Variants in GABBR1 observed in about 807,000 individuals in gnomAD.
The protein encoded by GABBR1 is GABA-B receptor, R1 subunit.
GABBR1 carries 35 observed loss-of-function variants against 117.7 expected under a neutral mutation model. The ratio of observed to expected loss-of-function variants is 0.30; its 90% CI spans 0.23 to 0.39. The LOEUF is 0.39. GABBR1 is among the 10% of genes least tolerant of loss of function. The pLI is 1.00. For synonymous variants in GABBR1, 442 were observed against 486.6 expected (o/e 0.91, Z 1.21); for missense variants, 709 against 1,241.8 (o/e 0.57, Z 6.45).
At chr6:29,619,528 C>CT (rs1365426681) in intron 11 of GABBR1, among the ~76,000 whole-genome samples, 1 of 152,022 alleles carries the variant, frequency 6.6e-6, no homozygotes, top group Non-Finnish European at 1.5e-5. Flanking sequence ...CTCTCTCTCT[C>CT]TTTTTGTTTA....
At position 29,606,631 on chromosome 6, in the gene GABBR1, T is replaced by C; in HGVS notation, c.2218-147A>G. On this transcript the variant is annotated intron_variant, in intron 18 of 22. Transcript: ENST00000377034. The surrounding 1 kb of genome is among the most constrained non-coding windows in gnomAD (Gnocchi z 4.5). ...CATTCTAGGCCTAAGAATGTTTTCC[T>C]GAACCCTTGGAGGTGCTTGTTCCCC... The C allele has an allele frequency of 1.5e-6, 1 of 686,332 alleles. No individual in the cohort carries two copies. Among genetic ancestry groups the C allele is most frequent in the South Asian group, 1.7e-5 (1 of 58,288 alleles). The allele number at this position is 686,332 out of a possible 1,614,324, so 42.5% of individuals were successfully genotyped here.
At position 29,604,855 on chromosome 6, in the gene GABBR1, C is replaced by A. The variant is rs760847538; in HGVS notation, c.2568+5G>T. On this transcript the variant is annotated splice_donor_5th_base_variant and intron_variant, in intron 21 of 22. Transcript: ENST00000377034. The surrounding 1 kb of genome is among the most constrained non-coding windows in gnomAD (Gnocchi z 5.3). ...AAGAGGGTGGGAGAAAAGCCAGATC[C>A]TTACCTTGGGCACAAAGAGCACAAC... 6.2e-7 allele frequency: 1 copy of A among 1,611,338 alleles called. No homozygotes were observed. The highest frequency in any genetic ancestry group is 1.1e-5 in the South Asian group (1 of 90,744).
rs530072573 is a variant in GABBR1 at position 29,609,575 on chromosome 6, A to C, written c.1709-196T>G. On this transcript the variant is annotated intron_variant, in intron 14 of 22. Coordinates refer to ENST00000377034, the MANE Select transcript of GABBR1 (RefSeq NM_001470.4). The surrounding 1 kb of genome is among the most constrained non-coding windows in gnomAD (Gnocchi z 4.3). The stretch of plus-strand genomic sequence containing the variant: ...AATGCTCAGTGCCACTGGGGCCGTT[A>C]GGAAGCAACCAGAAATGAGATGAGA... 1.1e-4 allele frequency among the ~76,000 whole-genome samples: 17 copies of C among 152,346 alleles called. No individual in the cohort carries two copies. The East Asian group carries it at 1.3e-3, about 12-fold the overall frequency.
At chr6:29,612,765 C>G (rs533646894) in intron 12 of GABBR1, 151 bp from the exon 13 acceptor site, 31 of 693,134 alleles carry the variant, frequency 4.5e-5, no homozygotes, top group African/African-American at 4.2e-4. Context: ...AGGACATACC[C>G]CAGATGCCCA....
Position 29,613,145 on chromosome 6 carries a change from C to A in GABBR1, c.1566+98G>T. On this transcript the variant is annotated intron_variant, in intron 12 of 22. Transcript: ENST00000377034. This position sits in a 1 kb window ranked among gnomAD's most constrained non-coding sequence, Gnocchi z 4.1. ...GGAGACTGATTCTGCAAAGAAGTAA[C>A]TGAGAAAAACAGAGAATGCATGTTT... The A allele has an allele frequency of 7.6e-7, 1 of 1,323,450 alleles. No individual in the cohort carries two copies. The highest frequency in any genetic ancestry group is 1.1e-6 in the Non-Finnish European group (1 of 941,374). 82.0% of individuals were successfully genotyped at this position (1,323,450 alleles called of 1,614,324 possible).
In GABBR1 at chr6:29,608,639, A is replaced by C. The variant is rs1762205479; in HGVS notation, c.1954T>G (p.Tyr652Asp). ...AAVFPLGLDG[Y>D]HIGRNQFPFV... ...GGAAACTGGTTCCTCCCAATGTGGT[A>C]ACCATCGAGCCCCAGGGGGAAGACA... Residue 652 changes from tyrosine to aspartate, a missense_variant, in exon 16 of 23, where the codon TAC becomes GAC. Physicochemically the swap from Tyr to Asp is radical, Grantham distance 160. Transcript: ENST00000377034. 1.2e-6 allele frequency: 2 copies of C among 1,612,944 alleles called. No individual in the cohort carries two copies.
At chr6:29,616,285 G>A (rs1763093382) in intron 11 of GABBR1, among the ~76,000 whole-genome samples, 1 of 105,184 alleles carries the variant, frequency 9.5e-6, no homozygotes. Context: ...CAGGAGAATC[G>A]GAGAATCGCT....
In GABBR1 at chr6:29,612,539, C is replaced by T; in HGVS notation, c.1630+12G>A. The T allele has an allele frequency of 7.4e-6, 12 of 1,613,404 alleles. No homozygotes were observed. Among genetic ancestry groups the T allele is most frequent in the Non-Finnish European group, 1.0e-5 (12 of 1,179,552 alleles). On this transcript the variant is annotated intron_variant, in intron 13 of 22. Coordinates refer to ENST00000377034, the MANE Select transcript of GABBR1 (RefSeq NM_001470.4). The stretch of plus-strand genomic sequence containing the variant: ...GCCCCCATGTCCGGTCCCCTCCTGC[C>T]CCTGTACTAACCCTGAAGCTGCTCG...
At chr6:29,612,711 T>G in intron 12 of GABBR1, 97 bp from the exon 13 acceptor site, 2 of 1,075,228 alleles carry the variant, frequency 1.9e-6, no homozygotes, top group South Asian at 2.5e-5. Flanking sequence ...TTTGATGTAA[T>G]TGAGCCTCTG....
In GABBR1 at chr6:29,606,437, C is replaced by A; in HGVS notation, c.2265G>T (p.Leu755=). The change falls in exon 19 of 23, where the codon CTG becomes CTT. Residue 755 remains leucine, a synonymous_variant. Transcript: ENST00000377034. This position sits in a 1 kb window ranked among gnomAD's most constrained non-coding sequence, Gnocchi z 4.5. ...TGGAGCTGCAATGCTCCAGCTGGGGCAGAATAGAGACGTCAATATCTTCCT... is the reference window on the plus strand; with the variant it reads ...TGGAGCTGCAATGCTCCAGCTGGGGAAGAATAGAGACGTCAATATCTTCCT... The part of the protein sequence containing the change: ...EPKEDIDVSI[L]PQLEHCSSRK... The A allele has an allele frequency of 6.2e-7, 1 of 1,613,042 alleles. No individual in the cohort carries two copies. Among genetic ancestry groups the A allele is most frequent in the Non-Finnish European group, 8.5e-7 (1 of 1,179,894 alleles).
rs1029149631 is a variant in GABBR1, at chr6:29,621,357, T to C, written c.1132-65A>G. 6 of 1,293,790 alleles carry C rather than the reference T, an allele frequency of 4.6e-6. No homozygotes were observed. The African/African-American group carries it at 8.8e-5, about 19-fold the overall frequency. The allele number at this position is 1,293,790 out of a possible 1,614,324, so 80.1% of individuals were successfully genotyped here. Reference sequence around the variant, plus strand: ...TTTGTTTGTTTTTGTCTTATCTCACTTGATACTATTTAGCCTCTTGGGAAT... The same window carrying C: ...TTTGTTTGTTTTTGTCTTATCTCACCTGATACTATTTAGCCTCTTGGGAAT... On this transcript the variant is annotated intron_variant, in intron 10 of 22. Transcript: ENST00000377034. The surrounding 1 kb of genome is among the most constrained non-coding windows in gnomAD (Gnocchi z 5.0).
At chr6:29,616,075 C>T (rs1763067265) in intron 11 of GABBR1, among the ~76,000 whole-genome samples, 1 of 152,154 alleles carries the variant, frequency 6.6e-6, no homozygotes, top group Non-Finnish European at 1.5e-5. Flanking sequence ...GTGGCGCATG[C>T]CTGTAATCCC....
rs1403293501 is a variant in GABBR1, at chr6:29,607,068, G to A, written c.2109+34C>T. On this transcript the variant is annotated intron_variant, in intron 17 of 22. Coordinates refer to ENST00000377034, the MANE Select transcript of GABBR1 (RefSeq NM_001470.4). This position sits in a 1 kb window ranked among gnomAD's most constrained non-coding sequence, Gnocchi z 5.0. The stretch of plus-strand genomic sequence containing the variant: ...AAATGCTCTGTGCCCCAGGAGCCAA[G>A]GATCTGGGGGCTGAGGATTGGGCAG... 6.2e-7 allele frequency: 1 copy of A among 1,609,102 alleles called. No homozygotes were observed. The highest frequency in any genetic ancestry group is 1.1e-5 in the South Asian group (1 of 90,958).
rs1275624802 is a variant in GABBR1 at position 29,622,659 on chromosome 6, A to C, written c.964-454T>G. The stretch of plus-strand genomic sequence containing the variant: ...AAGGGCCACTGAACACAGTGGATAG[A>C]AGACCCAAAGAATAGAATAAAAGGG... On this transcript the variant is annotated intron_variant, in intron 8 of 22. Coordinates refer to ENST00000377034, the MANE Select transcript of GABBR1 (RefSeq NM_001470.4). The surrounding 1 kb of genome is among the most constrained non-coding windows in gnomAD (Gnocchi z 4.6). 2 of 173,124 alleles carry C rather than the reference A, an allele frequency of 1.2e-5. No homozygotes were observed. The highest frequency in any genetic ancestry group is 2.5e-5 in the Non-Finnish European group (2 of 80,032). The allele number at this position is 173,124 out of a possible 1,614,324, so 10.7% of individuals were successfully genotyped here. A position where few individuals can be genotyped will look rare whatever the true frequency, so the allele number is the denominator to read the frequency against.
At position 29,605,141 on chromosome 6, in the gene GABBR1, A is replaced by G; in HGVS notation, c.2440-153T>C. On this transcript the variant is annotated intron_variant, in intron 20 of 22. Coordinates refer to ENST00000377034, the MANE Select transcript of GABBR1 (RefSeq NM_001470.4). The surrounding 1 kb of genome is among the most constrained non-coding windows in gnomAD (Gnocchi z 4.2). ...AATTCAGGATCATCCTCAAATATAG[A>G]TTGAGAAAAATCTCAAACTGTCCCA... 1.2e-6 allele frequency: 1 copy of G among 821,846 alleles called. No homozygotes were observed. The highest frequency in any genetic ancestry group is 1.8e-6 in the Non-Finnish European group (1 of 544,394). The allele number at this position is 821,846 out of a possible 1,614,324, so 50.9% of individuals were successfully genotyped here.
In GABBR1 at chr6:29,632,858, G is replaced by A. The variant is rs1235580424; in HGVS notation, c.-9C>T. The A allele has an allele frequency of 1.9e-5, 6 of 314,474 alleles. No homozygotes were observed. The highest frequency in any genetic ancestry group is 3.2e-5 in the Non-Finnish European group (6 of 185,930). The allele number at this position is 314,474 out of a possible 1,614,324, so 19.5% of individuals were successfully genotyped here. ...GGGGCCCTGGCTCTTACCTCGGCGC[G>A]CGGGCCCGGCTCCCCGGCTCTCCCC... On this transcript the variant is annotated 5_prime_UTR_variant, in exon 1 of 23. Coordinates refer to ENST00000377034, the MANE Select transcript of GABBR1 (RefSeq NM_001470.4). This position sits in a 1 kb window ranked among gnomAD's most constrained non-coding sequence, Gnocchi z 5.8.
Position 29,627,345 on chromosome 6 carries a change from G to T in GABBR1, c.657+141C>A. On this transcript the variant is annotated intron_variant, in intron 6 of 22. Transcript: ENST00000377034. This position sits in a 1 kb window ranked among gnomAD's most constrained non-coding sequence, Gnocchi z 4.4. ...CTCTCCCCAAGCTCCTGCACCCCCA[G>T]CCCATCTCCTGCCAGTCACACAAGG... 2.4e-6 allele frequency: 2 copies of T among 830,286 alleles called. No homozygotes were observed. Among genetic ancestry groups the T allele is most frequent in the Non-Finnish European group, 3.7e-6 (2 of 537,166 alleles). The allele number at this position is 830,286 out of a possible 1,614,324, so 51.4% of individuals were successfully genotyped here.
intron 6 of GABBR1, 70 bp from the exon 7 acceptor site, chr6:29,624,094 T>C (rs1764031515): frequency 1.4e-6 from 2 of 1,418,446 alleles, no homozygotes; most frequent in East Asian, 4.8e-5. Context: ...CCTGCTCTTA[T>C]CTTTCTCGAA....
Position 29,609,055 on chromosome 6 carries a change from G to C in GABBR1, c.1859+174C>G, listed in dbSNP as rs559290797. ...TTTTTTCCTCCCGTTAGCTACTTTG[G>C]AGTAGGAGTGGGGGTTATATCTGGT... On this transcript the variant is annotated intron_variant, in intron 15 of 22. Coordinates refer to ENST00000377034, the MANE Select transcript of GABBR1 (RefSeq NM_001470.4). The surrounding 1 kb of genome is among the most constrained non-coding windows in gnomAD (Gnocchi z 4.3). Among the ~76,000 whole-genome samples the C allele has an allele frequency of 2.0e-5, 3 of 152,256 alleles. No homozygotes were observed. Among genetic ancestry groups the C allele is most frequent in the East Asian group, 3.9e-4 (2 of 5,184 alleles).
Sources: allele counts gnomAD v4.1 joint callset (sites outside exome capture counted in the v4.1 genomes callset), GRCh38; gene constraint gnomAD v4.1.1; non-coding constraint Gnocchi (gnomAD v3.1); transcripts MANE v1.5; gene names NCBI Gene and HGNC (gene_info 2026-07-23, HGNC 2026-07-21).